Variants in PALLD observed in about 807,000 individuals in gnomAD.
PALLD encodes the protein palladin, cytoskeletal associated protein, also known as palladin.
Under a neutral mutation model 123.5 loss-of-function variants are expected in PALLD, and 61 were observed. The observed-to-expected ratio is 0.49, with a 90% CI of 0.40 to 0.61. PALLD has a LOEUF of 0.61. PALLD is among the 20% of genes least tolerant of loss of function. The probability of loss-of-function intolerance (pLI) is 0.00; values close to 1 mark genes in which losing one functional copy is unlikely to be tolerated. For synonymous variants in PALLD, 465 were observed against 496.4 expected (o/e 0.94, Z 0.84); for missense variants, 1,273 against 1,377.0 (o/e 0.92, Z 1.20).
At chr4:168,517,014 G>A (rs188616291) in intron 2 of PALLD, among the ~76,000 whole-genome samples, 1 of 152,302 alleles carries the variant, frequency 6.6e-6, no homozygotes, top group East Asian at 1.9e-4. Context: ...GTGAAGTGTG[G>A]TGCCAAGGAG....
intron 2 of PALLD, among the ~76,000 whole-genome samples, chr4:168,628,002 C>A (rs1431877297): frequency 6.6e-6 from 1 of 152,216 alleles, no homozygotes; most frequent in Non-Finnish European, 1.5e-5. Flanking sequence ...GGGAAACAAG[C>A]ACCATTTAAC....
chr4:168,543,695 C>T (rs1474853992), intron 2 of PALLD, among the ~76,000 whole-genome samples: 1 of 152,202 alleles, frequency 6.6e-6, no homozygotes. Flanking sequence ...TTCCCACAAC[C>T]AGCCAAGCTG....
chr4:168,902,854 C>G (rs1756836073), intron 14 of PALLD, among the ~76,000 whole-genome samples: 1 of 152,186 alleles, frequency 6.6e-6, no homozygotes, highest in Admixed American at 6.5e-5. Flanking sequence ...TCACTACAGC[C>G]TCAACCTCCT....
At chr4:168,549,035 AG>A in intron 2 of PALLD, among the ~76,000 whole-genome samples, 1 of 152,234 alleles carries the variant, frequency 6.6e-6, no homozygotes, top group East Asian at 1.9e-4. Context: ...AAAGAAAGAA[AG>A]AAAAAAAAAT....
intron 10 of PALLD, among the ~76,000 whole-genome samples, chr4:168,743,836 G>A (rs1292434935): frequency 2.6e-5 from 4 of 152,116 alleles, no homozygotes; most frequent in African/African-American, 7.2e-5. Context: ...TCAGGAGACC[G>A]CCATGTATCT....
chr4:168,838,320 G>A (rs1038935253), intron 10 of PALLD, among the ~76,000 whole-genome samples: 2 of 152,180 alleles, frequency 1.3e-5, no homozygotes, highest in African/African-American at 2.4e-5. Context: ...TGATTCTCCT[G>A]TAGCCCCAGA....
At chr4:168,739,325 T>G (rs1788095498) in intron 10 of PALLD, among the ~76,000 whole-genome samples, 2 of 152,172 alleles carry the variant, frequency 1.3e-5, no homozygotes, top group Admixed American at 1.3e-4. Flanking sequence ...GGTTTTTAGT[T>G]TTTTGAGAAA....
chr4:168,912,056 T>TA (rs1759077874), intron 15 of PALLD, among the ~76,000 whole-genome samples: 1 of 152,150 alleles, frequency 6.6e-6, no homozygotes, highest in Non-Finnish European at 1.5e-5. Context: ...CCCCCCCAGT[T>TA]AGAGTCCTGC....
rs1763400119 is a variant in PALLD, at chr4:168,520,209, C to T, written c.908+7797C>T. Among the ~76,000 whole-genome samples the T allele has an allele frequency of 2.0e-5, 3 of 151,656 alleles. No homozygotes were observed. The South Asian group carries it at 6.2e-4, about 32-fold the overall frequency. ...GGCGTGGTGGCGGGTGCCTGTAGTC[C>T]CAGCTACTCGGAAGGCTGAGACGGG... is the stretch of plus-strand genomic sequence containing the variant. On this transcript the variant is annotated intron_variant, in intron 2 of 21. Coordinates refer to ENST00000505667, the MANE Select transcript of PALLD (RefSeq NM_001166108.2).
intron 15 of PALLD, among the ~76,000 whole-genome samples, chr4:168,907,816 ACTACT>A (rs1255508101): frequency 2.0e-5 from 3 of 152,108 alleles, no homozygotes. Context: ...GGGTAAAATA[ACTACT>A]CTGGGTCTAT....
At chr4:168,838,950 A>C (rs1189840686) in intron 10 of PALLD, among the ~76,000 whole-genome samples, 2 of 152,068 alleles carry the variant, frequency 1.3e-5, no homozygotes. Flanking sequence ...TTTTAGACTA[A>C]GAAATAATTT....
intron 8 of PALLD, among the ~76,000 whole-genome samples, chr4:168,699,361 G>A (rs112167474): frequency 6.6e-6 from 1 of 152,140 alleles, no homozygotes; most frequent in African/African-American, 2.4e-5. Flanking sequence ...TTACAGGCGT[G>A]AGTTACTGCA....
chr4:168,722,219 A>G (rs1289907253), intron 10 of PALLD, among the ~76,000 whole-genome samples: 1 of 151,762 alleles, frequency 6.6e-6, no homozygotes. Flanking sequence ...TATTTTTTTT[A>G]TTTTTTGTAG....
chr4:168,888,713 G>A (rs766142570), intron 10 of PALLD, among the ~76,000 whole-genome samples: 25 of 152,122 alleles, frequency 1.6e-4, no homozygotes, highest in Admixed American at 2.0e-4. Flanking sequence ...AATCACTCTC[G>A]AGGGGATTGA....
intron 17 of PALLD, among the ~76,000 whole-genome samples, chr4:168,918,337 T>TATATATATAC (rs1553981973): frequency 6.6e-6 from 1 of 151,404 alleles, no homozygotes; most frequent in Non-Finnish European, 1.5e-5. Context: ...TATATATATA[T>TATATATATAC]ATACATACAT....
chr4:168,787,745 G>A (rs1581469755), intron 10 of PALLD, among the ~76,000 whole-genome samples: 2 of 152,320 alleles, frequency 1.3e-5, no homozygotes, highest in South Asian at 4.1e-4. Context: ...GAAGTTTGCT[G>A]ATAGTCAACT....
At chr4:168,674,481 A>C (rs1780635306) in intron 3 of PALLD, among the ~76,000 whole-genome samples, 1 of 152,106 alleles carries the variant, frequency 6.6e-6, no homozygotes, top group Non-Finnish European at 1.5e-5. Flanking sequence ...GCCAGCAAAC[A>C]AGATAAGAAA....
At chr4:168,610,661 G>T (rs1773641174) in intron 2 of PALLD, among the ~76,000 whole-genome samples, 1 of 150,476 alleles carries the variant, frequency 6.6e-6, no homozygotes, top group Non-Finnish European at 1.5e-5. Flanking sequence ...TCCTCTAGAG[G>T]CCAACTTCCA....
chr4:168,647,783 A>C (rs1214319362), intron 2 of PALLD: 20 of 145,656 alleles, frequency 1.4e-4, no homozygotes, highest in African/African-American at 5.1e-4. Context: ...TCTGTCTCAA[A>C]AAAAAAAAAA....
Sources: gnomAD v4.1 joint callset for allele counts (sites outside exome capture counted in the v4.1 genomes callset) on GRCh38, gnomAD v4.1.1 for gene constraint, MANE v1.5 for transcripts, NCBI Gene and HGNC (gene_info 2026-07-23, HGNC 2026-07-21) for gene names.